The following NLGN1 variants were observed in gnomAD, a reference collection of about 807,000 sequenced individuals.
NLGN1 encodes the protein neuroligin-1.
NLGN1 carries 12 observed loss-of-function variants against 65.5 expected under a neutral mutation model. The ratio of observed to expected loss-of-function variants is 0.18; its 90% CI spans 0.12 to 0.30. The LOEUF is 0.30. NLGN1 is among the 10% of genes least tolerant of loss of function. NLGN1 has a pLI of 1.00. For synonymous variants in NLGN1, 350 were observed against 359.5 expected (o/e 0.97, Z 0.30); for missense variants, 750 against 1,007.1 (o/e 0.74, Z 3.46).
intron 4 of NLGN1, among the ~76,000 whole-genome samples, chr3:173,907,226 T>C (rs569652960): frequency 2.6e-5 from 4 of 152,346 alleles, no homozygotes; most frequent in African/African-American, 9.6e-5. Context: ...TCACATTTCT[T>C]TTGGAAAGAA....
chr3:173,851,906 ATGT>A (rs973864101), intron 4 of NLGN1, among the ~76,000 whole-genome samples: 19 of 152,094 alleles, frequency 1.2e-4, no homozygotes, highest in African/African-American at 4.1e-4. Context: ...AACATTTAAA[ATGT>A]TGTCAAATAC....
chr3:173,670,878 A>G (rs1036870408), intron 3 of NLGN1, among the ~76,000 whole-genome samples: 1 of 152,230 alleles, frequency 6.6e-6, no homozygotes, highest in Non-Finnish European at 1.5e-5. Context: ...ATTATACTAT[A>G]AATCCAGATA....
At chr3:173,822,431 A>T (rs768695874) in intron 4 of NLGN1, among the ~76,000 whole-genome samples, 12 of 152,168 alleles carry the variant, frequency 7.9e-5, no homozygotes, top group African/African-American at 1.7e-4. Flanking sequence ...TTGCATGAGA[A>T]AACTACTGAT....
chr3:173,743,996 C>T (rs1336983591), intron 3 of NLGN1, among the ~76,000 whole-genome samples: 2 of 152,022 alleles, frequency 1.3e-5, no homozygotes, highest in Non-Finnish European at 2.9e-5. Context: ...AGACAAATAA[C>T]TCATTATAAA....
At chr3:173,722,801 T>C (rs931492688) in intron 3 of NLGN1, among the ~76,000 whole-genome samples, 3 of 152,218 alleles carry the variant, frequency 2.0e-5, no homozygotes, top group Admixed American at 1.3e-4. Context: ...GAAGATCCAT[T>C]TATTCATTTA....
In NLGN1 at chr3:174,206,873, C is replaced by G. The variant is rs78583290; in HGVS notation, c.647-68442C>G. Reference sequence around the variant, plus strand: ...AGCGCAGGGTCTGGCAAAATGTAGACAGACTCTCAATTGGAGTGAGCCTCT... The same window carrying G: ...AGCGCAGGGTCTGGCAAAATGTAGAGAGACTCTCAATTGGAGTGAGCCTCT... On this transcript the variant is annotated intron_variant, in intron 4 of 6. Transcript: ENST00000457714. Among the ~76,000 whole-genome samples the G allele has an allele frequency of 9.4e-3, 1,433 of 152,212 alleles. 20 individuals are homozygous for G. Among genetic ancestry groups the G allele is most frequent in the African/African-American group, 0.028 (1,180 of 41,532 alleles).
At chr3:173,561,587 G>A (rs1254239937) in intron 2 of NLGN1, among the ~76,000 whole-genome samples, 1 of 152,078 alleles carries the variant, frequency 6.6e-6, no homozygotes, top group Non-Finnish European at 1.5e-5. Flanking sequence ...TTAAATATAT[G>A]TGGTAATAAT....
At chr3:173,979,665 C>T (rs1281940664) in intron 4 of NLGN1, among the ~76,000 whole-genome samples, 2 of 152,106 alleles carry the variant, frequency 1.3e-5, no homozygotes, top group African/African-American at 4.8e-5. Flanking sequence ...GCCTGGTATG[C>T]AGTGCAGAAT....
chr3:173,813,439 A>G (rs9290481), intron 4 of NLGN1, among the ~76,000 whole-genome samples: 128,182 of 152,216 alleles, frequency 0.84, 54,849 homozygotes, highest in African/African-American at 0.93. Flanking sequence ...AGAAAGAAAA[A>G]GAGTCAGTGT....
intron 4 of NLGN1, among the ~76,000 whole-genome samples, chr3:173,958,354 C>T (rs773122691): frequency 4.6e-5 from 7 of 152,130 alleles, no homozygotes; most frequent in Non-Finnish European, 8.8e-5. Flanking sequence ...GAGGGAGACC[C>T]GCAGTGGGTA....
At chr3:173,519,987 A>G (rs962643424) in intron 2 of NLGN1, among the ~76,000 whole-genome samples, 1 of 152,146 alleles carries the variant, frequency 6.6e-6, no homozygotes, top group Non-Finnish European at 1.5e-5. Context: ...GTTATCATGA[A>G]TGGTTTAGCG....
At chr3:173,545,144 G>A (rs1032073443) in intron 2 of NLGN1, among the ~76,000 whole-genome samples, 3 of 151,766 alleles carry the variant, frequency 2.0e-5, no homozygotes, top group Non-Finnish European at 2.9e-5. Context: ...TCGCAATTTC[G>A]GCTCACTGCA....
At chr3:174,267,370 A>C (rs1421434) in intron 4 of NLGN1, among the ~76,000 whole-genome samples, 1 of 151,986 alleles carries the variant, frequency 6.6e-6, no homozygotes, top group African/African-American at 2.4e-5. Context: ...ACTCCTCCTA[A>C]TAGGCCCCAC....
intron 4 of NLGN1, among the ~76,000 whole-genome samples, chr3:174,074,345 G>C (rs184044872): frequency 6.6e-6 from 1 of 152,018 alleles, no homozygotes; most frequent in East Asian, 1.9e-4. Context: ...CTGTGGTTGG[G>C]GTGTTGTTTG....
chr3:173,428,304 A>T (rs549362056), intron 1 of NLGN1, among the ~76,000 whole-genome samples: 1 of 151,870 alleles, frequency 6.6e-6, no homozygotes, highest in East Asian at 1.9e-4. Context: ...GTGAGGACTT[A>T]CTACTACCAT....
At chr3:174,263,940 T>G (rs1316014365) in intron 4 of NLGN1, among the ~76,000 whole-genome samples, 1 of 151,262 alleles carries the variant, frequency 6.6e-6, no homozygotes, top group Admixed American at 6.6e-5. Flanking sequence ...CCTTCACTTA[T>G]GAAGCTTAGT....
At chr3:174,176,820 C>T (rs1288707176) in intron 4 of NLGN1, among the ~76,000 whole-genome samples, 3 of 151,994 alleles carry the variant, frequency 2.0e-5, no homozygotes, top group Non-Finnish European at 2.9e-5. Flanking sequence ...CATCTTTAGT[C>T]ATAATTTATA....
chr3:174,091,592 A>G (rs1211806053), intron 4 of NLGN1, among the ~76,000 whole-genome samples: 1 of 152,226 alleles, frequency 6.6e-6, no homozygotes, highest in Non-Finnish European at 1.5e-5. Flanking sequence ...TTTTAATCCA[A>G]AAATACTGTT....
intron 2 of NLGN1, among the ~76,000 whole-genome samples, chr3:173,524,075 C>T (rs1220533103): frequency 6.7e-6 from 1 of 150,366 alleles, no homozygotes; most frequent in Non-Finnish European, 1.5e-5. Flanking sequence ...CACCCGCCAC[C>T]ACGCTCAGCT....
Sources: allele counts gnomAD v4.1 joint callset (sites outside exome capture counted in the v4.1 genomes callset), GRCh38; gene constraint gnomAD v4.1.1; transcripts MANE v1.5; gene names NCBI Gene and HGNC (gene_info 2026-07-23, HGNC 2026-07-21).